TMEM135: variants seen among roughly 807,000 people sequenced by gnomAD.
TMEM135 encodes the protein transmembrane protein 135.
Under a neutral mutation model 60.3 loss-of-function variants are expected in TMEM135, and 30 were observed. That is an observed-to-expected ratio of 0.50 (90% CI 0.37 to 0.68). TMEM135 has a LOEUF of 0.68. TMEM135 is among the 30% of genes least tolerant of loss of function. TMEM135 has a pLI of 0.00. For missense variants in TMEM135, 468 were observed against 548.8 expected (o/e 0.85, Z 1.47); for synonymous variants, 190 against 186.7 (o/e 1.02, Z -0.14).
intron 5 of TMEM135, among the ~76,000 whole-genome samples, chr11:87,167,079 G>A (rs977123993): frequency 1.3e-5 from 2 of 152,064 alleles, no homozygotes; most frequent in Non-Finnish European, 2.9e-5. Context: ...TTGTGAATGG[G>A]CATTTGCTCA....
chr11:87,146,449 T>C (rs932170843), intron 4 of TMEM135, among the ~76,000 whole-genome samples: 2 of 152,216 alleles, frequency 1.3e-5, no homozygotes, highest in African/African-American at 4.8e-5. Context: ...GTTTTATTTT[T>C]ATTTTTTAGA....
chr11:87,091,215 T>C, intron 3 of TMEM135, 147 bp from the exon 4 acceptor site: 1 of 634,678 alleles, frequency 1.6e-6, no homozygotes, highest in Middle Eastern at 4.5e-4. Context: ...GAGAAATTAG[T>C]TCGGCATAAT....
chr11:87,236,806 C>T (rs1420902413), intron 6 of TMEM135, 122 bp downstream of exon 6: 12 of 890,558 alleles, frequency 1.3e-5, no homozygotes, highest in African/African-American at 9.9e-5. Context: ...ACTCCCCCCG[C>T]ACCCCCGCCC....
At chr11:87,143,478 T>C (rs779328115) in intron 4 of TMEM135, among the ~76,000 whole-genome samples, 4 of 152,112 alleles carry the variant, frequency 2.6e-5, no homozygotes, top group Non-Finnish European at 2.9e-5. Flanking sequence ...ATATTTCCAA[T>C]TGGTCCTCCA....
chr11:87,302,641 A>G (rs574461111), intron 8 of TMEM135, among the ~76,000 whole-genome samples, 199 bp downstream of exon 8: 5 of 152,232 alleles, frequency 3.3e-5, no homozygotes, highest in African/African-American at 1.2e-4. Context: ...AGACCAGCAT[A>G]TGCCTTTAAA....
chr11:87,228,469 C>T (rs1940814462), intron 5 of TMEM135, among the ~76,000 whole-genome samples: 1 of 151,950 alleles, frequency 6.6e-6, no homozygotes, highest in African/African-American at 2.4e-5. Flanking sequence ...ACAGACGGCG[C>T]AAGAGGAAGC....
At chr11:87,151,268 G>C (rs971627161) in intron 4 of TMEM135, among the ~76,000 whole-genome samples, 4 of 152,084 alleles carry the variant, frequency 2.6e-5, no homozygotes, top group Non-Finnish European at 5.9e-5. Context: ...ATTCCTGGAA[G>C]AGTTTCTCAA....
At chr11:87,114,851 T>C (rs1857839347) in intron 4 of TMEM135, among the ~76,000 whole-genome samples, 1 of 152,188 alleles carries the variant, frequency 6.6e-6, no homozygotes, top group Non-Finnish European at 1.5e-5. Flanking sequence ...CAACCGAGGA[T>C]GCAGTACTTG....
At chr11:87,109,416 A>G (rs1857685256) in intron 4 of TMEM135, among the ~76,000 whole-genome samples, 1 of 152,228 alleles carries the variant, frequency 6.6e-6, no homozygotes. Context: ...ACACTGTAAT[A>G]AAAGTTATGT....
At chr11:87,157,508 G>T (rs1017566334) in intron 5 of TMEM135, 102 bp downstream of exon 5, 1 of 1,014,026 alleles carries the variant, frequency 9.9e-7, no homozygotes, top group East Asian at 2.5e-5. Flanking sequence ...CTAAGAAATA[G>T]AGAGATATCT....
chr11:87,253,738 T>A, intron 6 of TMEM135, among the ~76,000 whole-genome samples: 1 of 86,862 alleles, frequency 1.2e-5, no homozygotes, highest in South Asian at 3.8e-4. Flanking sequence ...TTTAACCTGT[T>A]AGCATTGTTA....
chr11:87,091,656 C>T (rs962842811), intron 4 of TMEM135, among the ~76,000 whole-genome samples: 3 of 152,012 alleles, frequency 2.0e-5, no homozygotes, highest in African/African-American at 4.8e-5. Flanking sequence ...GTCTTCATCT[C>T]TGATAGGCTG....
intron 4 of TMEM135, among the ~76,000 whole-genome samples, chr11:87,113,864 G>A (rs539324629): frequency 6.6e-6 from 1 of 151,988 alleles, no homozygotes; most frequent in Admixed American, 6.6e-5. Flanking sequence ...ATCACAATAT[G>A]ATCCCTATAT....
At chr11:87,268,341 C>T (rs1038601369) in intron 6 of TMEM135, among the ~76,000 whole-genome samples, 9 of 151,454 alleles carry the variant, frequency 5.9e-5, no homozygotes, top group Admixed American at 2.0e-4. Context: ...ATCTGGAACT[C>T]TTGGGCTCAT....
intron 8 of TMEM135, 128 bp from the exon 9 acceptor site, chr11:87,305,808 G>A: frequency 2.6e-6 from 1 of 384,070 alleles, no homozygotes; most frequent in East Asian, 4.8e-5. Context: ...AATAAATAAA[G>A]TGATGTTTTC....
At chr11:87,070,752 C>CT (rs1278193277) in intron 2 of TMEM135, among the ~76,000 whole-genome samples, 1 of 152,088 alleles carries the variant, frequency 6.6e-6, no homozygotes, top group Non-Finnish European at 1.5e-5. Flanking sequence ...GGAATATACT[C>CT]TAGTACATGA....
intron 4 of TMEM135, among the ~76,000 whole-genome samples, chr11:87,106,909 C>T (rs1460018957): frequency 6.6e-6 from 1 of 152,126 alleles, no homozygotes; most frequent in Non-Finnish European, 1.5e-5. Context: ...ACAGTCATGG[C>T]AGAAGGTGTG....
chr11:87,168,102 T>C (rs1293900437), intron 5 of TMEM135, among the ~76,000 whole-genome samples: 2 of 152,134 alleles, frequency 1.3e-5, no homozygotes, highest in African/African-American at 4.8e-5. Context: ...TGCATAGAGG[T>C]GTTTCTAGTA....
intron 4 of TMEM135, among the ~76,000 whole-genome samples, chr11:87,109,804 T>TC (rs397704526): frequency 6.8e-6 from 1 of 146,990 alleles, no homozygotes; most frequent in Non-Finnish European, 1.5e-5. Flanking sequence ...TAACATACTT[T>TC]GAAATAATTT....
Sources: gnomAD v4.1 joint callset for allele counts (sites outside exome capture counted in the v4.1 genomes callset) on GRCh38, gnomAD v4.1.1 for gene constraint, MANE v1.5 for transcripts, NCBI Gene and HGNC (gene_info 2026-07-23, HGNC 2026-07-21) for gene names.